PDIA4: variants seen among roughly 807,000 people sequenced by gnomAD.
PDIA4 encodes the protein protein disulfide isomerase family A member 4.
A neutral mutation model predicts 62.1 loss-of-function variants in PDIA4; 33 were observed. The observed-to-expected ratio is 0.53, with a 90% confidence interval of 0.40 to 0.71. The LOEUF is 0.71. PDIA4 is among the 30% of genes least tolerant of loss of function. The pLI is 0.00. For synonymous variants in PDIA4, 341 were observed against 324.1 expected (o/e 1.05, Z -0.56); for missense variants, 804 against 813.6 (o/e 0.99, Z 0.14).
At chr7:149,025,550 G>A (rs1216166015) in intron 1 of PDIA4, among the ~76,000 whole-genome samples, 1 of 152,158 alleles carries the variant, frequency 6.6e-6, no homozygotes, top group Non-Finnish European at 1.5e-5. Flanking sequence ...ACCCCTTAAG[G>A]GAGACTGTAT....
In PDIA4 at chr7:149,005,353, T is replaced by C. The variant is rs775097114; in HGVS notation, c.1310A>G (p.Lys437Arg). The C allele has an allele frequency of 2.3e-5, 37 of 1,613,898 alleles. No individual in the cohort carries two copies. The South Asian group carries it at 3.8e-4, about 17-fold the overall frequency. The change falls in exon 9 of 10, where the codon AAA (lysine) becomes AGA (arginine). Residue 437 changes from lysine to arginine, a missense_variant. By Grantham distance (26) the Lys-to-Arg change is conservative. Transcript: ENST00000652332. ...YRAATQFWRSKVLEVAKDFPE... is the reference protein window; with the variant it reads ...YRAATQFWRSRVLEVAKDFPE... ...GAAGTCCTTGGCCACCTCTAGGACTTTGCTCCGCCAAAACTGAGTTGCTGA... is the reference window on the plus strand; with the variant it reads ...GAAGTCCTTGGCCACCTCTAGGACTCTGCTCCGCCAAAACTGAGTTGCTGA...
chr7:149,015,509 AAAG>A (rs1159523238), intron 3 of PDIA4, among the ~76,000 whole-genome samples: 1 of 151,798 alleles, frequency 6.6e-6, no homozygotes, highest in East Asian at 1.9e-4. Flanking sequence ...AAAAAAAAAA[AAAG>A]GAAAAATTTA....
At chr7:149,028,181 T>C (rs908050966) in intron 1 of PDIA4, 140 bp downstream of exon 1, 12 of 631,492 alleles carry the variant, frequency 1.9e-5, no homozygotes, top group African/African-American at 1.9e-4. Context: ...CCGCCAAGTT[T>C]ACCCCGGGCT....
At chr7:149,011,811 G>C (rs1041344635) in intron 6 of PDIA4, 35 bp downstream of exon 6, 1 of 1,498,320 alleles carries the variant, frequency 6.7e-7, no homozygotes, top group South Asian at 1.4e-5. Flanking sequence ...CCCAAGGCAC[G>C]CACATTTTGT....
chr7:149,010,669 C>T lies in PDIA4; in HGVS notation c.979+1177G>A, dbSNP rs184430678. On this transcript the variant is annotated intron_variant, in intron 6 of 9. Transcript: ENST00000652332. Reference sequence around the variant, plus strand: ...CATCCCCCAGCCGCCCTCTCTGCTCCGGCCCTGCCAACCTATCTGTAGAAC... The same window carrying T: ...CATCCCCCAGCCGCCCTCTCTGCTCTGGCCCTGCCAACCTATCTGTAGAAC... Among the ~76,000 whole-genome samples the T allele has an allele frequency of 1.3e-4, 20 of 152,314 alleles. 1 individual carries two copies. Among genetic ancestry groups the T allele is most frequent in the Admixed American group, 4.6e-4 (7 of 15,302 alleles).
At chr7:149,028,136 C>T in intron 1 of PDIA4, 185 bp downstream of exon 1, 2 of 598,588 alleles carry the variant, frequency 3.3e-6, no homozygotes, top group Non-Finnish European at 3.0e-6. Flanking sequence ...ATCGATCCTG[C>T]CACTGCCACA....
Position 149,003,916 on chromosome 7 carries a change from C to T in PDIA4, c.1816G>A (p.Ala606Thr), listed in dbSNP as rs371145672. The T allele has an allele frequency of 1.4e-5, 22 of 1,613,570 alleles. No homozygotes were observed. The highest frequency in any genetic ancestry group is 1.2e-4 in the South Asian group (11 of 90,928). ...KVEGFPTIYF[A>T]PSGDKKNPVK... ...GGGTTCTTTTTGTCCCCACTGGGGG[C>T]GAAGTAGATGGTGGGGAAGCCCTCC... is the stretch of plus-strand genomic sequence containing the variant. The change falls in exon 10 of 10, where the codon GCC becomes ACC. Residue 606 changes from alanine (A) to threonine (T), a missense_variant. Coordinates refer to ENST00000652332, the MANE Select transcript of PDIA4 (RefSeq NM_004911.5).
In PDIA4 at chr7:149,028,476, G is replaced by C; in HGVS notation, c.-68C>G. The C allele has an allele frequency of 9.0e-7, 1 of 1,111,444 alleles. No homozygotes were observed. The highest frequency in any genetic ancestry group is 1.2e-6 in the Non-Finnish European group (1 of 816,368). The allele number at this position is 1,111,444 out of a possible 1,614,324, so 68.8% of individuals were successfully genotyped here. On this transcript the variant is annotated 5_prime_UTR_variant, in exon 1 of 10. Coordinates refer to ENST00000652332, the MANE Select transcript of PDIA4 (RefSeq NM_004911.5). ...TGAGCGCACCGAGAACTCGGGGTCTGGCCGACAGCCCGTCGCTCCTTAGCG... is the reference window on the plus strand; with the variant it reads ...TGAGCGCACCGAGAACTCGGGGTCTCGCCGACAGCCCGTCGCTCCTTAGCG...
chr7:149,018,896 A>C, intron 3 of PDIA4, 96 bp downstream of exon 3: 1 of 633,400 alleles, frequency 1.6e-6, no homozygotes, highest in Non-Finnish European at 2.7e-6. Context: ...TGAGAAAGTC[A>C]GTCCCTGGTA....
chr7:149,024,890 C>A (rs1234067163), intron 1 of PDIA4, among the ~76,000 whole-genome samples: 2 of 148,500 alleles, frequency 1.3e-5, no homozygotes, highest in East Asian at 4.0e-4. Context: ...TCTGGGAGGC[C>A]GAGGCAAGCG....
intron 6 of PDIA4, among the ~76,000 whole-genome samples, chr7:149,008,896 G>A (rs990190005): frequency 1.3e-5 from 2 of 152,140 alleles, no homozygotes; most frequent in African/African-American, 4.8e-5. Flanking sequence ...TGAGGCTGAG[G>A]CAGGAGGACT....
chr7:149,004,362 A>C (rs985044424), intron 9 of PDIA4, among the ~76,000 whole-genome samples, 153 bp from the exon 10 acceptor site: 6 of 151,996 alleles, frequency 3.9e-5, no homozygotes, highest in Admixed American at 3.9e-4. Context: ...AGTAGCTGCT[A>C]CTCTCTACTC....
chr7:149,022,062 A>C (rs929381946), intron 1 of PDIA4, among the ~76,000 whole-genome samples: 1 of 152,188 alleles, frequency 6.6e-6, no homozygotes, highest in East Asian at 1.9e-4. Flanking sequence ...CCTGGCCCCA[A>C]AAGAGTACCA....
chr7:149,015,428 AATATATAC>A (rs1824095050), intron 3 of PDIA4, among the ~76,000 whole-genome samples: 1 of 151,594 alleles, frequency 6.6e-6, no homozygotes. Flanking sequence ...ACACATACAA[AATATATAC>A]ATATTTAGTC....
Position 149,028,465 on chromosome 7 carries a change from A to G in PDIA4, c.-57T>C, listed in dbSNP as rs1039543747. The G allele has an allele frequency of 1.6e-6, 2 of 1,234,208 alleles. No homozygotes were observed. Among genetic ancestry groups the G allele is most frequent in the Admixed American group, 5.9e-5 (2 of 33,618 alleles). 76.5% of individuals were successfully genotyped at this position (1,234,208 alleles called of 1,614,324 possible). A position where few individuals can be genotyped will look rare whatever the true frequency, so the allele number is the denominator to read the frequency against. On this transcript the variant is annotated 5_prime_UTR_variant, in exon 1 of 10. Transcript: ENST00000652332. ...TCGGCGGCCGCTGAGCGCACCGAGA[A>G]CTCGGGGTCTGGCCGACAGCCCGTC...
At chr7:149,024,985 G>A (rs1446662066) in intron 1 of PDIA4, among the ~76,000 whole-genome samples, 6 of 148,048 alleles carry the variant, frequency 4.1e-5, no homozygotes, top group Non-Finnish European at 7.4e-5. Context: ...TTAGCTGGGC[G>A]TGGTGACACA....
In PDIA4 at chr7:149,003,977, G is replaced by A. The variant is rs765202807; in HGVS notation, c.1755C>T (p.Ala585=). 1.9e-6 allele frequency: 3 copies of A among 1,613,404 alleles called. No individual in the cohort carries two copies. The highest frequency in any genetic ancestry group is 2.5e-6 in the Non-Finnish European group (3 of 1,179,398). ...GGTCGCTGGGGACGTCGTTGGCAGT[G>A]GCGTCCATCTTGGCGATGACCAGGC... ...QKGLVIAKMD[A]TANDVPSDRY... Residue 585 remains alanine (A), a synonymous_variant, in exon 10 of 10, where the codon GCC becomes GCT. Transcript: ENST00000652332.
At chr7:149,027,878 C>T (rs1390716856) in intron 1 of PDIA4, 3 of 477,042 alleles carry the variant, frequency 6.3e-6, no homozygotes, top group Non-Finnish European at 1.3e-5. Flanking sequence ...CTTGCTGTTC[C>T]AAAGAACTCG....
chr7:149,003,497 A>G lies in PDIA4; in HGVS notation c.*297T>C. The G allele has an allele frequency of 3.5e-6, 1 of 286,218 alleles. No homozygotes were observed. The highest frequency in any genetic ancestry group is 6.4e-6 in the Non-Finnish European group (1 of 156,074). 17.7% of individuals were successfully genotyped at this position (286,218 alleles called of 1,614,324 possible). A position where few individuals can be genotyped will look rare whatever the true frequency, so the allele number is the denominator to read the frequency against. On this transcript the variant is annotated 3_prime_UTR_variant, in exon 10 of 10. Transcript: ENST00000652332. ...TTAAAAAAAGAAAACATTTTCACAC[A>G]GAAGAATTATCTGCTTTGAGAAATA...
Sources: gnomAD v4.1 joint callset for allele counts (sites outside exome capture counted in the v4.1 genomes callset) on GRCh38, gnomAD v4.1.1 for gene constraint, MANE v1.5 for transcripts, NCBI Gene and HGNC (gene_info 2026-07-23, HGNC 2026-07-21) for gene names.